The following REELD1 variants were observed in gnomAD, a reference collection of about 807,000 sequenced individuals.
REELD1 encodes the protein reeler domain containing 1.
REELD1 carries 12 observed loss-of-function variants against 6.3 expected under a neutral mutation model. That is an observed-to-expected ratio of 1.89 (90% CI 1.21 to 3.07). REELD1 has a LOEUF of 3.07. Among genes scored for constraint, REELD1 ranks in the 30% most tolerant of loss-of-function variants. REELD1 has a pLI of 0.00. For synonymous variants in REELD1, 57 were observed against 33.6 expected, an observed-to-expected ratio of 1.70 and a Z score of -2.42; for missense variants, 163 against 86.8, an observed-to-expected ratio of 1.88 and a Z score of -3.49.
In REELD1 at chr4:146,228,241, G is replaced by A; in HGVS notation, c.627G>A (p.Gln209=). 1.4e-6 allele frequency: 1 copy of A among 702,538 alleles called. No individual in the cohort carries two copies. Among genetic ancestry groups the A allele is most frequent in the Non-Finnish European group, 2.6e-6 (1 of 384,982 alleles). The allele number at this position is 702,538 out of a possible 1,614,324, so 43.5% of individuals were successfully genotyped here. The change falls in exon 6 of 8, where the codon CAG becomes CAA. Residue 209 remains glutamine (Q), a synonymous_variant. Coordinates refer to ENST00000623665, the MANE Select transcript of REELD1 (RefSeq NM_001354631.1). ...GGACCCCCATCACTCTTCCACAGCA[G>A]CACACACATGTCTTTGCTGTTGCCC... The part of the protein sequence containing the change: ...APRTPITLPQ[Q]HTHVFAVALP...
At chr4:146,222,281 T>G (rs1245408350) in intron 3 of REELD1, 76 bp from the exon 4 acceptor site, 1 of 397,906 alleles carries the variant, frequency 2.5e-6, no homozygotes, top group African/African-American at 2.1e-5. Flanking sequence ...GCTTTTAGTT[T>G]TGAAAAAAGC....
In REELD1 at chr4:146,224,625, T is replaced by G. The variant is rs775640914; in HGVS notation, c.595+17T>G. On this transcript the variant is annotated intron_variant, in intron 5 of 7. Transcript: ENST00000623665. ...CTGCTCCAGGTACAGCTTGTCATTGTATTTGCCAGGCTGGTTGTCATCATT... is the reference window on the plus strand; with the variant it reads ...CTGCTCCAGGTACAGCTTGTCATTGGATTTGCCAGGCTGGTTGTCATCATT... 2.9e-6 allele frequency: 2 copies of G among 701,548 alleles called. No individual in the cohort carries two copies. The highest frequency in any genetic ancestry group is 3.0e-5 in the South Asian group (2 of 67,436). 43.5% of individuals were successfully genotyped at this position (701,548 alleles called of 1,614,324 possible). A position where few individuals can be genotyped will look rare whatever the true frequency, so the allele number is the denominator to read the frequency against.
At chr4:146,229,001 C>T in intron 6 of REELD1, 24 bp from the exon 7 acceptor site, 1 of 702,244 alleles carries the variant, frequency 1.4e-6, no homozygotes, top group Non-Finnish European at 2.6e-6. Flanking sequence ...GACCTGTTTT[C>T]AGCCCTTCCA....
Position 146,224,435 on chromosome 4 carries a change from C to A in REELD1, c.432-10C>A. 1.6e-6 allele frequency: 1 copy of A among 613,764 alleles called. No homozygotes were observed. Among genetic ancestry groups the A allele is most frequent in the Non-Finnish European group, 2.9e-6 (1 of 340,254 alleles). The allele number at this position is 613,764 out of a possible 1,614,324, so 38.0% of individuals were successfully genotyped here. A position where few individuals can be genotyped will look rare whatever the true frequency, so the allele number is the denominator to read the frequency against. ...ATCCGTGAACTGCTCTGCTCTTTCT[C>A]TTTCCCCAGTTTATCAGTAGTCCAG... is the stretch of plus-strand genomic sequence containing the variant. On this transcript the variant is annotated splice_polypyrimidine_tract_variant and intron_variant, in intron 4 of 7. Coordinates refer to ENST00000623665, the MANE Select transcript of REELD1 (RefSeq NM_001354631.1).
At position 146,224,476 on chromosome 4, in the gene REELD1, T is replaced by C; in HGVS notation, c.463T>C (p.Trp155Arg). Residue 155 changes from tryptophan to arginine, a missense_variant, in exon 5 of 8, where the codon TGG becomes CGG. Trp to Arg is a moderately radical substitution (Grantham distance 101). Coordinates refer to ENST00000623665, the MANE Select transcript of REELD1 (RefSeq NM_001354631.1). ...AGTAGTCCAGTCATATTTTGTTTAC[T>C]GGGCAAGGATTGAATCATCTGTTGT... The part of the protein sequence containing the change: ...LSVVQSYFVY[W>R]ARIESSVVSQ... 1 of 670,446 alleles carries C rather than the reference T, an allele frequency of 1.5e-6. No homozygotes were observed. Among genetic ancestry groups the C allele is most frequent in the Non-Finnish European group, 2.7e-6 (1 of 365,238 alleles). 41.5% of individuals were successfully genotyped at this position (670,446 alleles called of 1,614,324 possible).
In REELD1 at chr4:146,229,082, T is replaced by A; in HGVS notation, c.966T>A (p.Gly322=). The A allele has an allele frequency of 1.4e-6, 1 of 702,198 alleles. No homozygotes were observed. The highest frequency in any genetic ancestry group is 2.6e-6 in the Non-Finnish European group (1 of 384,822). 43.5% of individuals were successfully genotyped at this position (702,198 alleles called of 1,614,324 possible). A position where few individuals can be genotyped will look rare whatever the true frequency, so the allele number is the denominator to read the frequency against. Reference sequence around the variant, plus strand: ...AAACTTGCCTGTCCTCAGATGGGGGTGAACAGGTAAGAACCTGAACTGTGA... The same window carrying A: ...AAACTTGCCTGTCCTCAGATGGGGGAGAACAGGTAAGAACCTGAACTGTGA... ...SLETCLSSDG[G]EQDKTKASNR... is the part of the protein sequence containing the mutation. Residue 322 remains glycine, a synonymous_variant, in exon 7 of 8, where the codon GGT becomes GGA. Coordinates refer to ENST00000623665, the MANE Select transcript of REELD1 (RefSeq NM_001354631.1).
intron 5 of REELD1, among the ~76,000 whole-genome samples, chr4:146,226,451 A>C (rs1281991362): frequency 1.3e-5 from 2 of 152,228 alleles, no homozygotes. Context: ...TATTGCCTAC[A>C]TTCTGGAGGT....
intron 5 of REELD1, among the ~76,000 whole-genome samples, chr4:146,227,956 CTGT>C (rs1731054010): frequency 2.0e-5 from 3 of 152,062 alleles, no homozygotes; most frequent in African/African-American, 4.8e-5. Flanking sequence ...TGAATGGTGG[CTGT>C]TAAGAAGGTA....
chr4:146,223,495 T>C (rs1730960262), intron 4 of REELD1, among the ~76,000 whole-genome samples: 1 of 152,240 alleles, frequency 6.6e-6, no homozygotes, highest in Non-Finnish European at 1.5e-5. Context: ...TGGCTTTGGT[T>C]CTTACGCAGC....
chr4:146,219,636 A>G (rs1316114910), intron 3 of REELD1, among the ~76,000 whole-genome samples: 1 of 152,224 alleles, frequency 6.6e-6, no homozygotes, highest in East Asian at 1.9e-4. Flanking sequence ...TTTAAAAAAA[A>G]TTTTAAATAG....
At chr4:146,227,314 T>C (rs930821925) in intron 5 of REELD1, among the ~76,000 whole-genome samples, 2 of 152,178 alleles carry the variant, frequency 1.3e-5, no homozygotes, top group Admixed American at 1.3e-4. Context: ...TTTTTGAGTG[T>C]TAAAAACATT....
Sources: gnomAD v4.1 joint callset for allele counts (sites outside exome capture counted in the v4.1 genomes callset) on GRCh38, gnomAD v4.1.1 for gene constraint, MANE v1.5 for transcripts, NCBI Gene and HGNC (gene_info 2026-07-23, HGNC 2026-07-21) for gene names.